The following CDH13 variants were observed in gnomAD, a reference collection of about 807,000 sequenced individuals.
CDH13 encodes cadherin-13.
A neutral mutation model predicts 63.8 loss-of-function variants in CDH13; 24 were observed. That is an observed-to-expected ratio of 0.38 (90% CI 0.27 to 0.53). CDH13 has a LOEUF of 0.53. Among genes scored for constraint, CDH13 ranks in the 20% least tolerant of loss-of-function variants. The pLI is 0.85. For synonymous variants in CDH13, 503 were observed against 355.3 expected, an observed-to-expected ratio of 1.42 and a Z score of -4.67; for missense variants, 1,049 against 903.1, an observed-to-expected ratio of 1.16 and a Z score of -2.07.
chr16:82,670,439 C>A (rs1190277069), intron 1 of CDH13, among the ~76,000 whole-genome samples: 3 of 152,170 alleles, frequency 2.0e-5, no homozygotes, highest in Admixed American at 1.3e-4. Flanking sequence ...GAAACCAAAT[C>A]AAAAGCTACA....
intron 5 of CDH13, among the ~76,000 whole-genome samples, chr16:83,220,605 A>G (rs2039667824): frequency 6.7e-6 from 1 of 148,472 alleles, no homozygotes; most frequent in African/African-American, 2.5e-5. Context: ...AAGTGTAATA[A>G]TAATAAAAAA....
At chr16:83,723,802 T>TA (rs138218738) in intron 10 of CDH13, among the ~76,000 whole-genome samples, 16,215 of 152,244 alleles carry the variant, frequency 0.11, 1,115 homozygotes, top group Non-Finnish European at 0.16. Context: ...ATGTCTGACA[T>TA]ATAATAGCTA....
chr16:83,611,826 T>G (rs1908887994), intron 8 of CDH13, among the ~76,000 whole-genome samples: 1 of 152,086 alleles, frequency 6.6e-6, no homozygotes, highest in South Asian at 2.1e-4. Context: ...TTGGGAGTGT[T>G]TTTTATTCTT....
intron 7 of CDH13, among the ~76,000 whole-genome samples, chr16:83,592,682 T>G (rs1440003671): frequency 6.6e-6 from 1 of 152,202 alleles, no homozygotes; most frequent in East Asian, 1.9e-4. Context: ...CCCCTGCTGC[T>G]TCTCCACCCT....
At chr16:83,660,859 AAG>A (rs1913375987) in intron 8 of CDH13, among the ~76,000 whole-genome samples, 1 of 152,168 alleles carries the variant, frequency 6.6e-6, no homozygotes, top group South Asian at 2.1e-4. Context: ...TCATTTTTTA[AAG>A]AGAGAAACTC....
At chr16:82,758,091 A>T (rs898016567) in intron 1 of CDH13, among the ~76,000 whole-genome samples, 7 of 152,280 alleles carry the variant, frequency 4.6e-5, no homozygotes, top group African/African-American at 1.7e-4. Context: ...GTGAGTGCCA[A>T]GCCCCCAGCA....
chr16:83,090,804 C>T (rs2033869910), intron 3 of CDH13, among the ~76,000 whole-genome samples: 1 of 151,448 alleles, frequency 6.6e-6, no homozygotes, highest in Non-Finnish European at 1.5e-5. Flanking sequence ...GCATTCATTA[C>T]AATACAGACT....
intron 3 of CDH13, among the ~76,000 whole-genome samples, chr16:83,048,360 G>A (rs1917987914): frequency 6.6e-6 from 1 of 152,206 alleles, no homozygotes; most frequent in Admixed American, 6.5e-5. Context: ...CTGAAACACA[G>A]GATGGGGGTG....
At chr16:83,479,452 C>G (rs1206469731) in intron 6 of CDH13, among the ~76,000 whole-genome samples, 1 of 152,080 alleles carries the variant, frequency 6.6e-6, no homozygotes, top group Non-Finnish European at 1.5e-5. Flanking sequence ...TTCAGGAGAT[C>G]GAGACCATCC....
intron 4 of CDH13, among the ~76,000 whole-genome samples, chr16:83,194,785 G>A (rs556032830): frequency 1.5e-4 from 23 of 152,256 alleles, no homozygotes; most frequent in South Asian, 1.0e-3. Context: ...TACCTGAGAC[G>A]GGTCTGTGGC....
intron 6 of CDH13, among the ~76,000 whole-genome samples, chr16:83,381,051 A>G (rs570490950): frequency 6.6e-6 from 1 of 152,064 alleles, no homozygotes; most frequent in African/African-American, 2.4e-5. Context: ...ATTGATCTTA[A>G]AGTTTTAATA....
chr16:82,919,889 C>A (rs2042102071), intron 2 of CDH13, among the ~76,000 whole-genome samples: 1 of 152,114 alleles, frequency 6.6e-6, no homozygotes, highest in Non-Finnish European at 1.5e-5. Context: ...ATAGTCCTTG[C>A]CTTATTGAAA....
At chr16:82,936,744 A>T (rs562808743) in intron 2 of CDH13, among the ~76,000 whole-genome samples, 1 of 152,296 alleles carries the variant, frequency 6.6e-6, no homozygotes, top group Admixed American at 6.5e-5. Flanking sequence ...GAGCACTGTG[A>T]GAATAGGTAG....
At position 83,485,598 on chromosome 16, in the gene CDH13, T is replaced by C. The variant is rs534903927; in HGVS notation, c.782-879T>C. On this transcript the variant is annotated intron_variant, in intron 6 of 13. Coordinates refer to ENST00000567109, the MANE Select transcript of CDH13 (RefSeq NM_001257.5). ...ATGCCTTTTTGCTCTGAGGTCCCTT[T>C]GACTTGTTCCTGCCTACTCTCTTCT... 1.3e-3 allele frequency among the ~76,000 whole-genome samples: 204 copies of C among 152,320 alleles called. 4 individuals carry two copies. The South Asian group carries it at 0.039, about 29-fold the overall frequency.
intron 1 of CDH13, among the ~76,000 whole-genome samples, chr16:82,772,109 A>G (rs561994028): frequency 3.3e-4 from 50 of 152,292 alleles, no homozygotes; most frequent in Middle Eastern, 6.8e-3. Flanking sequence ...AATGGCTTGG[A>G]AGAGCTGGAT....
intron 6 of CDH13, among the ~76,000 whole-genome samples, chr16:83,447,071 A>AC (rs1171584683): frequency 2.2e-5 from 3 of 135,714 alleles, no homozygotes; most frequent in Non-Finnish European, 3.2e-5. Context: ...AAAAAAAAAA[A>AC]AAACAAAAAA....
intron 4 of CDH13, among the ~76,000 whole-genome samples, chr16:83,142,317 C>T (rs1466217209): frequency 2.0e-5 from 3 of 152,034 alleles, no homozygotes; most frequent in African/African-American, 4.8e-5. Flanking sequence ...TGTGCCCCCA[C>T]ACCTGGCTAA....
intron 3 of CDH13, among the ~76,000 whole-genome samples, chr16:83,070,721 T>G (rs1255930171): frequency 6.6e-6 from 1 of 152,096 alleles, no homozygotes; most frequent in East Asian, 1.9e-4. Flanking sequence ...ACTATTTATC[T>G]GTGAGGGATT....
intron 10 of CDH13, among the ~76,000 whole-genome samples, chr16:83,724,208 G>C (rs760402756): frequency 1.6e-5 from 2 of 122,570 alleles, no homozygotes; most frequent in Non-Finnish European, 3.9e-5. Flanking sequence ...ATGAATGCAT[G>C]GGTGGGTGAT....
Sources: gnomAD v4.1 joint callset for allele counts (sites outside exome capture counted in the v4.1 genomes callset) on GRCh38, gnomAD v4.1.1 for gene constraint, MANE v1.5 for transcripts, NCBI Gene and HGNC (gene_info 2026-07-23, HGNC 2026-07-21) for gene names.